The following TMTC2 variants were observed in gnomAD, a reference collection of about 807,000 sequenced individuals.
TMTC2 encodes transmembrane O-mannosyltransferase targeting cadherins 2, also known as protein O-mannosyl-transferase TMTC2.
Under a neutral mutation model 82.4 loss-of-function variants are expected in TMTC2, and 43 were observed. The observed-to-expected ratio is 0.52, with a 90% CI of 0.41 to 0.67. The LOEUF (loss-of-function observed/expected upper bound fraction) is 0.67, where lower values mean the gene tolerates loss of function less well. Ranked by LOEUF, TMTC2 falls within the 30% of genes least tolerant of loss-of-function variation. The probability of loss-of-function intolerance (pLI) is 0.00; values close to 1 mark genes in which losing one functional copy is unlikely to be tolerated. For missense variants in TMTC2, 919 were observed against 1,012.4 expected (o/e 0.91, Z 1.25); for synonymous variants, 408 against 381.9 (o/e 1.07, Z -0.80).
Position 82,790,583 on chromosome 12 carries a change from C to T in TMTC2, c.84-66427C>T, listed in dbSNP as rs191430021. On this transcript the variant is annotated intron_variant, in intron 1 of 11. Coordinates refer to ENST00000321196, the MANE Select transcript of TMTC2 (RefSeq NM_152588.3). ...GTGGCTTATGCCTGTAATCCCAGCA[C>T]TCTGGGAGGCCGAGGTGGGAGGATC... Among the ~76,000 whole-genome samples the T allele has an allele frequency of 9.2e-5, 14 of 151,994 alleles. No homozygotes were observed. The East Asian group carries it at 1.4e-3, about 15-fold the overall frequency.
chr12:82,928,822 A>G (rs779877005), intron 3 of TMTC2, among the ~76,000 whole-genome samples: 14 of 152,208 alleles, frequency 9.2e-5, no homozygotes, highest in Non-Finnish European at 1.3e-4. Context: ...CTGTTGCATA[A>G]TTGTGAGTTC....
At chr12:82,897,181 C>T (rs377585699) in intron 3 of TMTC2, among the ~76,000 whole-genome samples, 8 of 152,166 alleles carry the variant, frequency 5.3e-5, no homozygotes, top group Admixed American at 2.0e-4. Flanking sequence ...CCTTTGGCTG[C>T]GCAGAGGCTG....
intron 2 of TMTC2, among the ~76,000 whole-genome samples, chr12:82,882,157 G>A (rs999648955): frequency 1.3e-5 from 2 of 149,606 alleles, no homozygotes; most frequent in African/African-American, 2.5e-5. Context: ...CCGCCACTAC[G>A]CCCAGCTAAT....
intron 1 of TMTC2, among the ~76,000 whole-genome samples, chr12:82,726,077 A>G (rs1417290969): frequency 6.6e-6 from 1 of 152,204 alleles, no homozygotes; most frequent in African/African-American, 2.4e-5. Context: ...GGCCATTTCA[A>G]AATAAGGCAA....
intron 10 of TMTC2, 73 bp from the exon 11 acceptor site, chr12:83,061,694 AT>A (rs940990637): frequency 5.3e-6 from 7 of 1,321,356 alleles, no homozygotes; most frequent in Non-Finnish European, 7.1e-6. Context: ...AATTAACATT[AT>A]TTTACTGCAC....
At chr12:82,806,623 T>A (rs1879254041) in intron 1 of TMTC2, among the ~76,000 whole-genome samples, 1 of 152,186 alleles carries the variant, frequency 6.6e-6, no homozygotes, top group South Asian at 2.1e-4. Flanking sequence ...ATAAGTTAAT[T>A]AACACATTTG....
At chr12:82,966,344 C>T (rs1030137304) in intron 6 of TMTC2, among the ~76,000 whole-genome samples, 6 of 152,070 alleles carry the variant, frequency 3.9e-5, no homozygotes, top group Non-Finnish European at 7.4e-5. Flanking sequence ...TGACAGGAAG[C>T]CATGCCTGCA....
chr12:82,982,007 CTT>C (rs755625157), intron 7 of TMTC2, among the ~76,000 whole-genome samples: 8 of 137,866 alleles, frequency 5.8e-5, no homozygotes, highest in Non-Finnish European at 6.4e-5. Context: ...TTGACATTTG[CTT>C]TTTTTTTTTT....
intron 9 of TMTC2, among the ~76,000 whole-genome samples, chr12:83,032,257 TTATATATATATATATA>T (rs57604518): frequency 0.46 from 60,788 of 130,826 alleles, 14,003 homozygotes; most frequent in South Asian, 0.69. Flanking sequence ...AGAGAATATT[TTATATATATATATATA>T]TATATATATA....
intron 9 of TMTC2, among the ~76,000 whole-genome samples, chr12:83,033,756 A>T (rs569298671): frequency 6.6e-6 from 1 of 151,856 alleles, no homozygotes; most frequent in African/African-American, 2.4e-5. Context: ...TGTCTCAAAA[A>T]AAATAAATAA....
intron 1 of TMTC2, among the ~76,000 whole-genome samples, chr12:82,717,271 C>G (rs1873947290): frequency 1.3e-5 from 2 of 150,882 alleles, no homozygotes; most frequent in Admixed American, 1.3e-4. Context: ...GTCGCCCAGG[C>G]TGTAGTGCAA....
At chr12:82,900,677 C>A (rs1399302061) in intron 3 of TMTC2, among the ~76,000 whole-genome samples, 5 of 135,202 alleles carry the variant, frequency 3.7e-5, no homozygotes, top group Non-Finnish European at 6.3e-5. Context: ...GAATATATAT[C>A]TCTGGAATAT....
At chr12:83,036,584 C>G (rs531927987) in intron 9 of TMTC2, among the ~76,000 whole-genome samples, 2 of 151,194 alleles carry the variant, frequency 1.3e-5, no homozygotes, top group African/African-American at 2.4e-5. Context: ...AAGTGACTTC[C>G]TATTTCAGAA....
intron 7 of TMTC2, 28 bp from the exon 8 acceptor site, chr12:82,985,897 T>G: frequency 6.2e-7 from 1 of 1,608,470 alleles, no homozygotes; most frequent in African/African-American, 1.3e-5. Context: ...ATCCTCCCTT[T>G]GACCTTCATG....
At chr12:82,955,194 A>G (rs903600672) in intron 4 of TMTC2, among the ~76,000 whole-genome samples, 2 of 152,190 alleles carry the variant, frequency 1.3e-5, no homozygotes, top group Non-Finnish European at 2.9e-5. Context: ...TCTACCCACT[A>G]AATGCCAGTT....
At chr12:82,815,734 G>T (rs1868674770) in intron 1 of TMTC2, among the ~76,000 whole-genome samples, 1 of 152,056 alleles carries the variant, frequency 6.6e-6, no homozygotes, top group African/African-American at 2.4e-5. Flanking sequence ...TAACTGTCCA[G>T]TGAAGGTGTG....
chr12:82,988,784 A>G (rs540604218), intron 8 of TMTC2, among the ~76,000 whole-genome samples: 32 of 150,084 alleles, frequency 2.1e-4, no homozygotes, highest in African/African-American at 7.6e-4. Flanking sequence ...AAGGTTTTCA[A>G]ATACCTACAT....
intron 11 of TMTC2, among the ~76,000 whole-genome samples, chr12:83,099,347 C>T (rs1012274818): frequency 6.6e-6 from 1 of 151,994 alleles, no homozygotes; most frequent in African/African-American, 2.4e-5. Context: ...AAATGAGTAA[C>T]GTTTAATTTT....
At chr12:82,834,935 T>A (rs902049705) in intron 1 of TMTC2, among the ~76,000 whole-genome samples, 1 of 151,872 alleles carries the variant, frequency 6.6e-6, no homozygotes, top group Non-Finnish European at 1.5e-5. Flanking sequence ...TGGAGTGCGG[T>A]GGTGCTATCT....
Sources: gnomAD v4.1 joint callset for allele counts (sites outside exome capture counted in the v4.1 genomes callset) on GRCh38, gnomAD v4.1.1 for gene constraint, MANE v1.5 for transcripts, NCBI Gene and HGNC (gene_info 2026-07-23, HGNC 2026-07-21) for gene names.